Variants in SDHAF3 observed in about 807,000 individuals in gnomAD.
The protein encoded by SDHAF3 is succinate dehydrogenase complex assembly factor 3.
In SDHAF3, 18 loss-of-function variants were observed where a neutral mutation model predicts 11.5. The ratio of observed to expected loss-of-function variants is 1.56; its 90% CI spans 1.08 to 2.32. SDHAF3 has a LOEUF of 2.32. SDHAF3 is among the 30% of genes most tolerant of loss of function. The pLI is 0.00. For missense variants in SDHAF3, 200 were observed against 154.4 expected, an observed-to-expected ratio of 1.30 and a Z score of -1.57; for synonymous variants, 72 against 59.3, an observed-to-expected ratio of 1.21 and a Z score of -0.99.
chr7:97,165,619 C>T (rs1789491661), intron 1 of SDHAF3, among the ~76,000 whole-genome samples: 1 of 152,080 alleles, frequency 6.6e-6, no homozygotes, highest in Admixed American at 6.6e-5. Context: ...TCCTCATTTT[C>T]TTGGGATAAA....
At chr7:97,174,762 A>G (rs901214757) in intron 1 of SDHAF3, among the ~76,000 whole-genome samples, 1 of 152,234 alleles carries the variant, frequency 6.6e-6, no homozygotes, top group Non-Finnish European at 1.5e-5. Context: ...CGGGAGGTAC[A>G]TGAGGGCAGT....
At chr7:97,158,524 A>G (rs1789343040) in intron 1 of SDHAF3, among the ~76,000 whole-genome samples, 1 of 152,024 alleles carries the variant, frequency 6.6e-6, no homozygotes, top group Non-Finnish European at 1.5e-5. Context: ...ACGGGGTTTC[A>G]CCATGTTGGC....
chr7:97,163,492 T>C (rs972128788), intron 1 of SDHAF3, among the ~76,000 whole-genome samples: 1 of 152,196 alleles, frequency 6.6e-6, no homozygotes, highest in African/African-American at 2.4e-5. Context: ...TTTTTTGCTT[T>C]CCATTTCCTT....
At chr7:97,128,845 T>C (rs1191906729) in intron 1 of SDHAF3, among the ~76,000 whole-genome samples, 1 of 152,196 alleles carries the variant, frequency 6.6e-6, no homozygotes, top group East Asian at 1.9e-4. Context: ...CTGATTGTTT[T>C]GTTAAGCCCC....
chr7:97,161,774 T>G (rs1789415516), intron 1 of SDHAF3, among the ~76,000 whole-genome samples: 1 of 152,246 alleles, frequency 6.6e-6, no homozygotes, highest in Non-Finnish European at 1.5e-5. Flanking sequence ...CTCATCCTTT[T>G]TTATGGATGC....
intron 1 of SDHAF3, among the ~76,000 whole-genome samples, chr7:97,164,617 C>T (rs964284421): frequency 5.3e-5 from 8 of 151,864 alleles, no homozygotes; most frequent in African/African-American, 1.9e-4. Flanking sequence ...CTAGGTGATC[C>T]ACCCCTCTCG....
intron 1 of SDHAF3, among the ~76,000 whole-genome samples, chr7:97,130,739 G>A (rs968022939): frequency 6.6e-6 from 1 of 152,202 alleles, no homozygotes; most frequent in Non-Finnish European, 1.5e-5. Flanking sequence ...TGAGTAAGGT[G>A]GAGAAGAGTT....
intron 1 of SDHAF3, among the ~76,000 whole-genome samples, chr7:97,151,244 C>T (rs984851266): frequency 1.3e-5 from 2 of 152,074 alleles, no homozygotes; most frequent in Non-Finnish European, 2.9e-5. Context: ...TTATTATGTG[C>T]ATATACACGA....
chr7:97,178,895 C>A (rs1789729280), intron 1 of SDHAF3, among the ~76,000 whole-genome samples: 1 of 152,064 alleles, frequency 6.6e-6, no homozygotes, highest in African/African-American at 2.4e-5. Context: ...GGTGTCATAT[C>A]TAAGAACCTA....
At chr7:97,146,670 A>G (rs1334306816) in intron 1 of SDHAF3, among the ~76,000 whole-genome samples, 4 of 152,132 alleles carry the variant, frequency 2.6e-5, no homozygotes, top group African/African-American at 7.2e-5. Context: ...CTATTCTGCT[A>G]TAGATATTGG....
chr7:97,129,223 G>T (rs1428237830), intron 1 of SDHAF3, among the ~76,000 whole-genome samples: 1 of 152,150 alleles, frequency 6.6e-6, no homozygotes, highest in African/African-American at 2.4e-5. Context: ...CTTGTTGATT[G>T]GGAAATTACT....
At chr7:97,169,541 C>CTAAT (rs1215723337) in intron 1 of SDHAF3, among the ~76,000 whole-genome samples, 1 of 151,996 alleles carries the variant, frequency 6.6e-6, no homozygotes, top group East Asian at 1.9e-4. Context: ...ATAAAACATA[C>CTAAT]TAATTTTATT....
chr7:97,143,737 A>G (rs748700119), intron 1 of SDHAF3, among the ~76,000 whole-genome samples: 58 of 151,118 alleles, frequency 3.8e-4, no homozygotes, highest in Admixed American at 5.3e-4. Context: ...ATTGATGGGC[A>G]TTTGGGTTGG....
At chr7:97,142,171 AG>A (rs916451891) in intron 1 of SDHAF3, among the ~76,000 whole-genome samples, 2 of 145,900 alleles carry the variant, frequency 1.4e-5, no homozygotes, top group African/African-American at 5.1e-5. Flanking sequence ...CTCCTGCCTC[AG>A]CCTCCCGAGT....
At chr7:97,131,147 G>A (rs1158290414) in intron 1 of SDHAF3, among the ~76,000 whole-genome samples, 1 of 152,170 alleles carries the variant, frequency 6.6e-6, no homozygotes, top group Non-Finnish European at 1.5e-5. Context: ...TAAAATTAGT[G>A]TTTCCAAAAA....
chr7:97,131,868 A>G, intron 1 of SDHAF3, among the ~76,000 whole-genome samples: 1 of 152,328 alleles, frequency 6.6e-6, no homozygotes, highest in Non-Finnish European at 1.5e-5. Flanking sequence ...ATTTTAAATT[A>G]CTGTAGATAT....
chr7:97,176,910 A>G (rs1336080886), intron 1 of SDHAF3, among the ~76,000 whole-genome samples: 1 of 152,172 alleles, frequency 6.6e-6, no homozygotes, highest in Non-Finnish European at 1.5e-5. Flanking sequence ...TCACTTTTTT[A>G]AAGTAAATAA....
At chr7:97,139,235 T>C (rs1292364571) in intron 1 of SDHAF3, among the ~76,000 whole-genome samples, 1 of 152,214 alleles carries the variant, frequency 6.6e-6, no homozygotes, top group African/African-American at 2.4e-5. Context: ...AGAAGAGTTT[T>C]ATTGAACAAC....
intron 1 of SDHAF3, among the ~76,000 whole-genome samples, chr7:97,139,900 T>G (rs1284047777): frequency 6.6e-6 from 1 of 152,224 alleles, no homozygotes; most frequent in Non-Finnish European, 1.5e-5. Context: ...CCTCTGGATG[T>G]TTGTAGTTAT....
Sources: allele counts gnomAD v4.1 joint callset (sites outside exome capture counted in the v4.1 genomes callset), GRCh38; gene constraint gnomAD v4.1.1; transcripts MANE v1.5; gene names NCBI Gene and HGNC (gene_info 2026-07-23, HGNC 2026-07-21).